The following ZNF407 variants were observed in gnomAD, a reference collection of about 807,000 sequenced individuals.
The protein encoded by ZNF407 is zinc finger protein 407.
ZNF407 carries 17 observed loss-of-function variants against 131.2 expected under a neutral mutation model. That is an observed-to-expected ratio of 0.13 (90% CI 0.09 to 0.19). ZNF407 has a LOEUF of 0.19. Among genes scored for constraint, ZNF407 ranks in the 10% least tolerant of loss-of-function variants. ZNF407 has a pLI of 1.00. For missense variants in ZNF407, 2,681 were observed against 2,830.6 expected, an observed-to-expected ratio of 0.95 and a Z score of 1.20; for synonymous variants, 1,156 against 1,062.0, an observed-to-expected ratio of 1.09 and a Z score of -1.72.
At chr18:74,785,460 A>T (rs577083381) in intron 4 of ZNF407, among the ~76,000 whole-genome samples, 41 of 152,262 alleles carry the variant, frequency 2.7e-4, no homozygotes, top group Admixed American at 2.6e-3. Flanking sequence ...GATGAGTCAA[A>T]TCTTTACCCC....
intron 4 of ZNF407, among the ~76,000 whole-genome samples, chr18:74,805,027 G>T (rs977189261): frequency 6.6e-6 from 1 of 152,170 alleles, no homozygotes; most frequent in Admixed American, 6.5e-5. Context: ...GACATTATGT[G>T]CACAAATTAA....
chr18:75,007,937 G>A (rs552172743), intron 8 of ZNF407, among the ~76,000 whole-genome samples: 49 of 152,318 alleles, frequency 3.2e-4, no homozygotes, highest in African/African-American at 9.9e-4. Context: ...AATTTCGAAA[G>A]TGGTTTCTAG....
chr18:75,013,557 C>G (rs1377898605), intron 8 of ZNF407, among the ~76,000 whole-genome samples: 1 of 152,064 alleles, frequency 6.6e-6, no homozygotes, highest in Non-Finnish European at 1.5e-5. Context: ...AGATTTTGCC[C>G]ATGAAGCAAG....
chr18:75,023,513 CCTGT>C (rs745589931), intron 8 of ZNF407, among the ~76,000 whole-genome samples: 1 of 151,916 alleles, frequency 6.6e-6, no homozygotes, highest in African/African-American at 2.4e-5. Flanking sequence ...TTAATAACTA[CCTGT>C]CTAAGTAAAT....
At chr18:74,609,550 A>G (rs1313053501) in intron 1 of ZNF407, among the ~76,000 whole-genome samples, 1 of 152,236 alleles carries the variant, frequency 6.6e-6, no homozygotes, top group Non-Finnish European at 1.5e-5. Context: ...AGCACTTACC[A>G]TGATGGAGCT....
chr18:74,724,658 C>T (rs1968115817), intron 3 of ZNF407, among the ~76,000 whole-genome samples: 1 of 152,000 alleles, frequency 6.6e-6, no homozygotes. Context: ...TTTCCTATGC[C>T]ATTCAATATT....
Position 74,631,210 on chromosome 18 carries a change from T to C in ZNF407, c.191T>C (p.Ile64Thr). 1 of 1,614,000 alleles carries C rather than the reference T, an allele frequency of 6.2e-7. No individual in the cohort carries two copies. The change falls in exon 2 of 9, where the codon ATA becomes ACA. Residue 64 changes from isoleucine to threonine, a missense_variant. Around this residue, in one of 6 missense-constraint regions of ZNF407, gnomAD observed 1,789 missense variants for 1,748.7 expected, o/e 1.02. Coordinates refer to ENST00000299687, the MANE Select transcript of ZNF407 (RefSeq NM_017757.3). ...TCATCGAACTCTGATAGTGTTGTTA[T>C]AGGAGAAGACAGAAATAAACATGCT... ...SESSNSDSVV[I>T]GEDRNKHASK...
chr18:74,705,150 A>T (rs1415140849), intron 3 of ZNF407, among the ~76,000 whole-genome samples: 1 of 150,504 alleles, frequency 6.6e-6, no homozygotes, highest in Non-Finnish European at 1.5e-5. Flanking sequence ...AGAAAAATAC[A>T]TTTTTTTTTT....
Position 74,755,861 on chromosome 18 carries a change from C to CTTCCTTCCTTCCTCTT in ZNF407, c.4803-25556_4803-25541dup, listed in dbSNP as rs1568200038. 3.3e-3 allele frequency among the ~76,000 whole-genome samples: 374 copies of CTTCCTTCCTTCCTCTT among 114,736 alleles called. 40 individuals are homozygous for CTTCCTTCCTTCCTCTT. Among genetic ancestry groups the CTTCCTTCCTTCCTCTT allele is most frequent in the African/African-American group, 0.014 (352 of 24,696 alleles). 75.3% of individuals were successfully genotyped at this position (114,736 alleles called of 152,430 possible). A position where few individuals can be genotyped will look rare whatever the true frequency, so the allele number is the denominator to read the frequency against. On this transcript the variant is annotated intron_variant, in intron 3 of 8. Transcript: ENST00000299687. Reference sequence around the variant, plus strand: ...CCTCCCTCCCTTCCTCCCTTCCTCCCTTCCTTCCTTCCTCTTTTCCTTCCT... The same window carrying CTTCCTTCCTTCCTCTT: ...CCTCCCTCCCTTCCTCCCTTCCTCCCTTCCTTCCTTCCTCTTTTCCTTCCTTCCTCTTTTCCTTCCT...
intron 4 of ZNF407, among the ~76,000 whole-genome samples, chr18:74,874,967 G>A (rs1205851910): frequency 6.6e-6 from 1 of 152,140 alleles, no homozygotes; most frequent in African/African-American, 2.4e-5. Flanking sequence ...AGAGCTGTAT[G>A]CATTATTAGC....
intron 8 of ZNF407, among the ~76,000 whole-genome samples, chr18:75,010,779 C>T (rs986800914): frequency 5.3e-5 from 8 of 152,254 alleles, no homozygotes; most frequent in South Asian, 4.2e-4. Flanking sequence ...AGACTAATAA[C>T]GGTTTTCACA....
At chr18:74,952,344 C>G (rs1250669247) in intron 8 of ZNF407, among the ~76,000 whole-genome samples, 2 of 152,140 alleles carry the variant, frequency 1.3e-5, no homozygotes, top group African/African-American at 4.8e-5. Context: ...AACCACAGCC[C>G]CTGGTGCTGC....
At chr18:74,888,321 T>A (rs1971338416) in intron 6 of ZNF407, among the ~76,000 whole-genome samples, 1 of 152,130 alleles carries the variant, frequency 6.6e-6, no homozygotes, top group Non-Finnish European at 1.5e-5. Context: ...ATGTATAATA[T>A]TGTTTCCTGG....
chr18:74,975,956 T>C (rs1056288777), intron 8 of ZNF407, among the ~76,000 whole-genome samples: 15 of 152,240 alleles, frequency 9.9e-5, no homozygotes, highest in Non-Finnish European at 1.8e-4. Context: ...ATTTATTGTC[T>C]CTCGTTCAGC....
chr18:74,855,025 A>G lies in ZNF407; in HGVS notation c.4878-22172A>G, dbSNP rs1015507887. ...TTTCCAGTCTTTAGAACACACCATT[A>G]TGTGTTCTCTAAAAAATATTTTATA... is the stretch of plus-strand genomic sequence containing the variant. On this transcript the variant is annotated intron_variant, in intron 4 of 8. Coordinates refer to ENST00000299687, the MANE Select transcript of ZNF407 (RefSeq NM_017757.3). Among the ~76,000 whole-genome samples, 6 of 152,130 alleles carry G rather than the reference A, an allele frequency of 3.9e-5. No individual in the cohort carries two copies. In the East Asian group the frequency reaches 1.2e-3, roughly 29 times the overall value.
chr18:74,867,223 G>A (rs534961150), intron 4 of ZNF407, among the ~76,000 whole-genome samples: 12 of 152,170 alleles, frequency 7.9e-5, no homozygotes, highest in Admixed American at 2.0e-4. Flanking sequence ...ATGATCAGCC[G>A]TGTTGTCTTT....
At position 74,634,067 on chromosome 18, in the gene ZNF407, G is replaced by A. The variant is rs538737054; in HGVS notation, c.3048G>A (p.Glu1016=). The A allele has an allele frequency of 6.2e-7, 1 of 1,614,054 alleles. No individual in the cohort carries two copies. Among genetic ancestry groups the A allele is most frequent in the South Asian group, 1.1e-5 (1 of 91,078 alleles). ...YSQRDVTGTG[E]NKCLHCEFSA... ...AGAGAGATGTTACAGGCACAGGTGAGAATAAGTGTTTGCACTGTGAGTTTA... is the reference window on the plus strand; with the variant it reads ...AGAGAGATGTTACAGGCACAGGTGAAAATAAGTGTTTGCACTGTGAGTTTA... The change falls in exon 2 of 9, where the codon GAG becomes GAA. Residue 1016 remains glutamate, a synonymous_variant. Transcript: ENST00000299687.
intron 8 of ZNF407, among the ~76,000 whole-genome samples, chr18:74,985,959 T>A (rs968892638): frequency 6.6e-6 from 1 of 152,226 alleles, no homozygotes; most frequent in Non-Finnish European, 1.5e-5. Context: ...TTATAATCTT[T>A]GTAAAATGAA....
rs550259972 is a variant in ZNF407 at position 75,032,892 on chromosome 18, G to T, written c.5429-30258G>T. Reference sequence around the variant, plus strand: ...TTAGATAACTGAGAGTGCTCAGAATGGGGGGAAGATAGTATTAGATAACTA... The same window carrying T: ...TTAGATAACTGAGAGTGCTCAGAATTGGGGGAAGATAGTATTAGATAACTA... On this transcript the variant is annotated intron_variant, in intron 8 of 8. Transcript: ENST00000299687. Among the ~76,000 whole-genome samples, 15 of 143,360 alleles carry T rather than the reference G, an allele frequency of 1.0e-4. No homozygotes were observed. The South Asian group carries it at 2.7e-3, about 26-fold the overall frequency. The allele number at this position is 143,360 out of a possible 152,430, so 94.0% of individuals were successfully genotyped here.
Sources: allele counts gnomAD v4.1 joint callset (sites outside exome capture counted in the v4.1 genomes callset), GRCh38; gene constraint gnomAD v4.1.1; regional missense constraint gnomAD v4.1.1; transcripts MANE v1.5; gene names NCBI Gene and HGNC (gene_info 2026-07-23, HGNC 2026-07-21).